PCDHGB2: variants seen among roughly 807,000 people sequenced by gnomAD.
PCDHGB2 encodes the protein protocadherin gamma subfamily B, 2.
PCDHGB2 carries 55 observed loss-of-function variants against 59.3 expected under a neutral mutation model. The observed-to-expected ratio is 0.93, with a 90% CI of 0.75 to 1.16. The LOEUF is 1.16. PCDHGB2 is among the 50% of genes most tolerant of loss of function. The pLI is 0.00. For synonymous variants in PCDHGB2, 516 were observed against 512.0 expected (o/e 1.01, Z -0.11); for missense variants, 1,228 against 1,198.5 (o/e 1.02, Z -0.36).
intron 1 of PCDHGB2, chr5:141,388,500 A>T: frequency 6.2e-7 from 1 of 1,613,860 alleles, no homozygotes; most frequent in Non-Finnish European, 8.5e-7. Flanking sequence ...AGAAAAGCAG[A>T]AATCCTACCA....
At position 141,477,626 on chromosome 5, in the gene PCDHGB2, G is replaced by A. The variant is rs201987467; in HGVS notation, c.2422-17181G>A. The A allele has an allele frequency of 1.9e-5, 31 of 1,614,052 alleles. No individual in the cohort carries two copies. The highest frequency in any genetic ancestry group is 2.5e-5 in the Non-Finnish European group (30 of 1,180,044). Reference sequence around the variant, plus strand: ...TCTCTTGGAGCAAGGAGCTGAAACCGGGCTAGTGGGTCGCTATTTCACAAT... The same window carrying A: ...TCTCTTGGAGCAAGGAGCTGAAACCAGGCTAGTGGGTCGCTATTTCACAAT... On this transcript the variant is annotated intron_variant, in intron 1 of 3. Transcript: ENST00000522605. This position sits in a 1 kb window ranked among gnomAD's most constrained non-coding sequence, Gnocchi z 4.9.
intron 1 of PCDHGB2, among the ~76,000 whole-genome samples, chr5:141,454,649 G>A (rs1202153817): frequency 6.6e-6 from 1 of 151,800 alleles, no homozygotes; most frequent in Non-Finnish European, 1.5e-5. Context: ...CAGGTGATCT[G>A]CCCACCTCGG....
chr5:141,484,334 A>G (rs988395353), intron 1 of PCDHGB2, among the ~76,000 whole-genome samples: 3 of 152,192 alleles, frequency 2.0e-5, no homozygotes, highest in East Asian at 1.9e-4. Context: ...CTTGAAATCA[A>G]TGAATGGTAA....
Position 141,476,876 on chromosome 5 carries a change from C to A in PCDHGB2, c.2422-17931C>A, listed in dbSNP as rs1201654822. 1.2e-6 allele frequency: 2 copies of A among 1,613,994 alleles called. No individual in the cohort carries two copies. Among genetic ancestry groups the A allele is most frequent in the Non-Finnish European group, 1.7e-6 (2 of 1,180,048 alleles). ...CCAGTCCTTGTACCGGGCGCGCGTC[C>A]TGGAGGATGCACCCTCCGGCACGCG... On this transcript the variant is annotated intron_variant, in intron 1 of 3. Transcript: ENST00000522605. The surrounding 1 kb of genome is among the most constrained non-coding windows in gnomAD (Gnocchi z 7.6).
At chr5:141,488,385 G>A (rs917106670) in intron 1 of PCDHGB2, among the ~76,000 whole-genome samples, 11 of 152,164 alleles carry the variant, frequency 7.2e-5, no homozygotes, top group Non-Finnish European at 1.5e-5. Context: ...TCCTGAATTT[G>A]GTGAAACCAT....
intron 1 of PCDHGB2, chr5:141,383,093 G>T (rs1778804581): frequency 1.2e-5 from 20 of 1,613,930 alleles, no homozygotes; most frequent in Non-Finnish European, 1.7e-5. Flanking sequence ...CGCGGAGTCC[G>T]CATCATCTCC....
chr5:141,470,479 C>T (rs2099231547), intron 1 of PCDHGB2, among the ~76,000 whole-genome samples: 1 of 152,078 alleles, frequency 6.6e-6, no homozygotes, highest in African/African-American at 2.4e-5. Flanking sequence ...ATTACTAACC[C>T]TCTGGGAATA....
Position 141,410,369 on chromosome 5 carries a change from A to T in PCDHGB2, c.2421+47813A>T, listed in dbSNP as rs754541017. Reference sequence around the variant, plus strand: ...CCTGCGACGCTCTCTCAGCCCTGCTACTTGGGACTGCTTCCATCCTGGTCT... The same window carrying T: ...CCTGCGACGCTCTCTCAGCCCTGCTTCTTGGGACTGCTTCCATCCTGGTCT... On this transcript the variant is annotated intron_variant, in intron 1 of 3. Coordinates refer to ENST00000522605, the MANE Select transcript of PCDHGB2 (RefSeq NM_018923.3). The T allele has an allele frequency of 5.6e-6, 9 of 1,613,836 alleles. No homozygotes were observed. The African/African-American group carries it at 1.2e-4, about 22-fold the overall frequency.
At chr5:141,381,416 C>G (rs995030864) in intron 1 of PCDHGB2, among the ~76,000 whole-genome samples, 10 of 152,236 alleles carry the variant, frequency 6.6e-5, no homozygotes, top group African/African-American at 2.2e-4. Context: ...AGTGGAGAGA[C>G]GAGTACCTCT....
intron 1 of PCDHGB2, among the ~76,000 whole-genome samples, chr5:141,450,375 A>G (rs1338336573): frequency 1.3e-5 from 2 of 152,166 alleles, no homozygotes; most frequent in Non-Finnish European, 2.9e-5. Context: ...GTTTGTTTAT[A>G]TGAAACTGAC....
intron 1 of PCDHGB2, chr5:141,390,193 A>G (rs1189352664): frequency 6.2e-7 from 1 of 1,614,060 alleles, no homozygotes; most frequent in African/African-American, 1.3e-5. Context: ...TGTAGTGAGC[A>G]GTTGAGTTCA....
Position 141,362,248 on chromosome 5 carries a change from C to T in PCDHGB2, c.2113C>T (p.Leu705Phe), listed in dbSNP as rs1019484860. The part of the protein sequence containing the change: ...ALALISVLFF[L>F]AVILAISLRL... ...GGCCTTGATCTCAGTGCTCTTCTTC[C>T]TCGCGGTGATTCTGGCAATCTCCCT... Residue 705 changes from leucine (L) to phenylalanine (F), a missense_variant, in exon 1 of 4, where the codon CTC becomes TTC. Physicochemically the swap from Leu to Phe is conservative, Grantham distance 22. Around this residue, in one of 3 missense-constraint regions of PCDHGB2, gnomAD observed 433 missense variants for 441.8 expected, o/e 0.98. Transcript: ENST00000522605. 6.8e-6 allele frequency: 11 copies of T among 1,613,922 alleles called. No homozygotes were observed. The Admixed American group carries it at 1.3e-4, about 20-fold the overall frequency.
chr5:141,383,563 C>A, intron 1 of PCDHGB2: 2 of 1,613,150 alleles, frequency 1.2e-6, no homozygotes, highest in Non-Finnish European at 1.7e-6. Context: ...CGACCCGCCC[C>A]GATCCAGCAC....
intron 1 of PCDHGB2, among the ~76,000 whole-genome samples, chr5:141,482,832 G>A (rs2099573281): frequency 6.6e-6 from 1 of 152,188 alleles, no homozygotes; most frequent in Non-Finnish European, 1.5e-5. Flanking sequence ...AGCACTTTGG[G>A]AGGCCAAGGT....
intron 1 of PCDHGB2, among the ~76,000 whole-genome samples, chr5:141,492,949 A>G (rs1470301496): frequency 6.6e-6 from 1 of 152,226 alleles, no homozygotes; most frequent in African/African-American, 2.4e-5. Flanking sequence ...GGAGGTGACC[A>G]AACTATCTGA....
chr5:141,486,287 A>G lies in PCDHGB2; in HGVS notation c.2422-8520A>G, dbSNP rs1484787777. Reference sequence around the variant, plus strand: ...AGAACCTGGCACTGTGGTGGCACTTATCAGTGTGCAGGATCCAGACTCAGG... The same window carrying G: ...AGAACCTGGCACTGTGGTGGCACTTGTCAGTGTGCAGGATCCAGACTCAGG... On this transcript the variant is annotated intron_variant, in intron 1 of 3. Transcript: ENST00000522605. The surrounding 1 kb of genome is among the most constrained non-coding windows in gnomAD (Gnocchi z 5.0). 1 of 1,613,912 alleles carries G rather than the reference A, an allele frequency of 6.2e-7. No homozygotes were observed. The highest frequency in any genetic ancestry group is 8.5e-7 in the Non-Finnish European group (1 of 1,179,970).
At chr5:141,407,347 TG>T (rs1273387665) in intron 1 of PCDHGB2, among the ~76,000 whole-genome samples, 1 of 152,176 alleles carries the variant, frequency 6.6e-6, no homozygotes, top group Non-Finnish European at 1.5e-5. Flanking sequence ...TATGTTAATT[TG>T]GGGAAAACAT....
Position 141,438,593 on chromosome 5 carries a change from T to TAC in PCDHGB2, c.2422-56213_2422-56212insCA, listed in dbSNP as rs1414976871. Reference sequence around the variant, plus strand: ...TGATATACATACATACATACATACATATATATATATATATATATATATATA... The same window carrying TAC: ...TGATATACATACATACATACATACATACATATATATATATATATATATATATA... On this transcript the variant is annotated intron_variant, in intron 1 of 3. Transcript: ENST00000522605. Among the ~76,000 whole-genome samples the TAC allele has an allele frequency of 1.6e-3, 115 of 73,944 alleles. 1 individual carries two copies. The highest frequency in any genetic ancestry group is 2.9e-3 in the African/African-American group (63 of 21,786). The allele number at this position is 73,944 out of a possible 152,430, so 48.5% of individuals were successfully genotyped here. A position where few individuals can be genotyped will look rare whatever the true frequency, so the allele number is the denominator to read the frequency against.
chr5:141,447,885 A>T (rs2098554278), intron 1 of PCDHGB2, among the ~76,000 whole-genome samples: 1 of 152,134 alleles, frequency 6.6e-6, no homozygotes, highest in Admixed American at 6.6e-5. Context: ...CAGGAGTTCG[A>T]GACCAGCCTG....
Sources: allele counts gnomAD v4.1 joint callset (sites outside exome capture counted in the v4.1 genomes callset), GRCh38; gene constraint gnomAD v4.1.1; regional missense constraint gnomAD v4.1.1; non-coding constraint Gnocchi (gnomAD v3.1); transcripts MANE v1.5; gene names NCBI Gene and HGNC (gene_info 2026-07-23, HGNC 2026-07-21).